The following DEAF1 variants were observed in gnomAD, a reference collection of about 807,000 sequenced individuals.
The protein encoded by DEAF1 is deformed epidermal autoregulatory factor 1 homolog.
DEAF1 carries 53 observed loss-of-function variants against 58.9 expected under a neutral mutation model. The observed-to-expected ratio is 0.90, with a 90% CI of 0.72 to 1.13. The LOEUF (loss-of-function observed/expected upper bound fraction) is 1.13, where lower values mean the gene tolerates loss of function less well. Among genes scored for constraint, DEAF1 ranks in the 50% most tolerant of loss-of-function variants. The pLI, the probability that DEAF1 is intolerant of heterozygous loss-of-function variation, is 0.00. For synonymous variants in DEAF1, 385 were observed against 340.4 expected (o/e 1.13, Z -1.44); for missense variants, 685 against 791.4 (o/e 0.87, Z 1.61).
At chr11:646,755 GA>G (rs759271332) in intron 11 of DEAF1, among the ~76,000 whole-genome samples, 2 of 149,682 alleles carry the variant, frequency 1.3e-5, no homozygotes, top group Middle Eastern at 3.4e-3. Flanking sequence ...AAACACTTTT[GA>G]AAAAAAAATC....
At chr11:678,890 CTG>C in intron 8 of DEAF1, 68 bp from the exon 9 acceptor site, 1 of 1,598,600 alleles carries the variant, frequency 6.3e-7, no homozygotes. Flanking sequence ...AAATATCACG[CTG>C]TATGGCTGCG....
At chr11:703,371 A>G in intron 1 of DEAF1, 1 of 1,391,620 alleles carries the variant, frequency 7.2e-7, no homozygotes, top group South Asian at 1.8e-5. Context: ...CGGGGAGGGT[A>G]GGGACCAGAC....
chr11:685,019 A>T (rs1860528894), intron 5 of DEAF1, 56 bp from the exon 6 acceptor site: 2 of 1,357,270 alleles, frequency 1.5e-6, no homozygotes, highest in Non-Finnish European at 2.1e-6. Context: ...AATGTCAATC[A>T]TTCAATAATA....
At chr11:680,631 G>A (rs904269413) in intron 7 of DEAF1, among the ~76,000 whole-genome samples, 4 of 152,132 alleles carry the variant, frequency 2.6e-5, no homozygotes, top group Non-Finnish European at 4.4e-5. Context: ...CTCGTCCAGC[G>A]CACTGAGAAT....
intron 2 of DEAF1, among the ~76,000 whole-genome samples, chr11:690,352 AGGGC>A (rs1473555396): frequency 2.5e-4 from 3 of 12,176 alleles, no homozygotes; most frequent in Non-Finnish European, 3.0e-4. Flanking sequence ...AGGGGAGGGG[AGGGC>A]AGGGGAGGGG....
chr11:687,814 C>G (rs1364357889), intron 4 of DEAF1, 97 bp downstream of exon 4: 2 of 1,542,464 alleles, frequency 1.3e-6, no homozygotes, highest in Non-Finnish European at 1.8e-6. Context: ...TTAACTAGTT[C>G]TAGGTGCCAT....
At chr11:704,627 C>T in intron 1 of DEAF1, 1 of 1,289,380 alleles carries the variant, frequency 7.8e-7, no homozygotes, top group Non-Finnish European at 1.0e-6. Flanking sequence ...AAGCTGGAGA[C>T]CTGTTGCCTT....
intron 1 of DEAF1, among the ~76,000 whole-genome samples, chr11:692,044 C>G (rs900977088): frequency 2.0e-5 from 3 of 152,178 alleles, no homozygotes; most frequent in African/African-American, 7.2e-5. Flanking sequence ...CTCTCCTCCA[C>G]CGCAGGGGTC....
Position 645,975 on chromosome 11 carries a change from G to A in DEAF1, c.1594-1321C>T, listed in dbSNP as rs577892752. Among the ~76,000 whole-genome samples the A allele has an allele frequency of 2.6e-5, 4 of 152,188 alleles. No individual in the cohort carries two copies. The South Asian group carries it at 8.3e-4, about 32-fold the overall frequency. ...TATAATAAAAGAGCAAAATTAGGCC[G>A]GGCGCAGTGGTTCACGGCTGTAATC... On this transcript the variant is annotated intron_variant, in intron 11 of 11. Transcript: ENST00000382409.
At chr11:703,703 G>C in intron 1 of DEAF1, 1 of 1,232,648 alleles carries the variant, frequency 8.1e-7, no homozygotes, top group Non-Finnish European at 1.0e-6. Flanking sequence ...CAGGCCCGGT[G>C]CAAGAGTGGA....
upstream of DEAF1, chr11:700,038 G>A: frequency 1.1e-6 from 1 of 877,450 alleles, no homozygotes; most frequent in Non-Finnish European, 1.9e-6. Context: ...GTCCCTTGGT[G>A]TCTGTGGCCA....
At chr11:698,735 A>G (rs1346607342), upstream of DEAF1, 2 of 1,028,396 alleles carry the variant, frequency 1.9e-6, no homozygotes, top group Non-Finnish European at 1.5e-6. Context: ...GGCCCACGGT[A>G]TATGTTTGCT....
intron 1 of DEAF1, 145 bp from the exon 2 acceptor site, chr11:691,743 C>T (rs567546596): frequency 1.9e-4 from 138 of 715,218 alleles, no homozygotes; most frequent in Middle Eastern, 4.7e-4. Flanking sequence ...TCCATGAACA[C>T]GCTCGACCTA....
chr11:684,637 G>A (rs533442388), intron 6 of DEAF1, among the ~76,000 whole-genome samples: 37 of 152,288 alleles, frequency 2.4e-4, no homozygotes, highest in African/African-American at 8.7e-4. Context: ...CATTATAACC[G>A]CTTTTCATTA....
chr11:644,898 C>G lies in DEAF1; in HGVS notation c.1594-244G>C, dbSNP rs1858412363. On this transcript the variant is annotated intron_variant, in intron 11 of 11. Transcript: ENST00000382409. The surrounding 1 kb of genome is among the most constrained non-coding windows in gnomAD (Gnocchi z 4.3). ...AAACAACAGGCAGGGCACGGTGGCT[C>G]ACGCCTGTAATCCCAACACTTTGGG... 6.6e-6 allele frequency among the ~76,000 whole-genome samples: 1 copy of G among 152,194 alleles called. No homozygotes were observed. Among genetic ancestry groups the G allele is most frequent in the Non-Finnish European group, 1.5e-5 (1 of 68,036 alleles).
chr11:692,050 G>A lies in DEAF1; in HGVS notation c.290-452C>T, dbSNP rs559869573. On this transcript the variant is annotated intron_variant, in intron 1 of 11. Coordinates refer to ENST00000382409, the MANE Select transcript of DEAF1 (RefSeq NM_021008.4). The stretch of plus-strand genomic sequence containing the variant: ...CATTCCTGCCTCTCCTCCACCGCAG[G>A]GGTCAGGCCACCATCGTCAGGTGAC... Among the ~76,000 whole-genome samples the A allele has an allele frequency of 6.6e-5, 10 of 152,222 alleles. No individual in the cohort carries two copies. The East Asian group carries it at 1.7e-3, about 26-fold the overall frequency.
At chr11:673,031 C>A (rs938452385) in intron 10 of DEAF1, among the ~76,000 whole-genome samples, 3 of 151,980 alleles carry the variant, frequency 2.0e-5, no homozygotes, top group Non-Finnish European at 4.4e-5. Flanking sequence ...CGCCTGTAGT[C>A]CCAGCTACTT....
chr11:686,733 G>C, intron 5 of DEAF1, 125 bp downstream of exon 5: 3 of 1,278,424 alleles, frequency 2.3e-6, no homozygotes, highest in Non-Finnish European at 3.3e-6. Flanking sequence ...CACACAGACA[G>C]CAGGTGGAGG....
At chr11:685,107 CAG>C (rs1308100410) in intron 5 of DEAF1, 144 bp from the exon 6 acceptor site, 10 of 534,140 alleles carry the variant, frequency 1.9e-5, no homozygotes, top group Admixed American at 1.5e-4. Flanking sequence ...TTTTTTGAGA[CAG>C]AGTCTTGTTG....
Sources: allele counts gnomAD v4.1 joint callset (sites outside exome capture counted in the v4.1 genomes callset), GRCh38; gene constraint gnomAD v4.1.1; non-coding constraint Gnocchi (gnomAD v3.1); transcripts MANE v1.5; gene names NCBI Gene and HGNC (gene_info 2026-07-23, HGNC 2026-07-21).